BICDL2: variants seen among roughly 807,000 people sequenced by gnomAD.
BICDL2 encodes the protein BICD family like cargo adaptor 2, also known as BICD family-like cargo adapter 2.
A neutral mutation model predicts 56.6 loss-of-function variants in BICDL2; 62 were observed. The ratio of observed to expected loss-of-function variants is 1.10; its 90% CI spans 0.89 to 1.35. The LOEUF is 1.35. Ranked by LOEUF, BICDL2 falls within the 40% of genes most tolerant of loss-of-function variation. BICDL2 has a pLI of 0.00. For synonymous variants in BICDL2, 358 were observed against 319.8 expected, an observed-to-expected ratio of 1.12 and a Z score of -1.27; for missense variants, 808 against 684.5, an observed-to-expected ratio of 1.18 and a Z score of -2.01.
chr16:3,031,503 A>G (rs1955654495), intron 2 of BICDL2: 1 of 499,962 alleles, frequency 2.0e-6, no homozygotes, highest in African/African-American at 1.9e-5. Flanking sequence ...CCATGGCAGC[A>G]CACACCTGCT....
intron 2 of BICDL2, among the ~76,000 whole-genome samples, chr16:3,034,051 G>T (rs1596484604): frequency 6.6e-6 from 1 of 152,164 alleles, no homozygotes; most frequent in East Asian, 1.9e-4. Context: ...CCCAGAGCAA[G>T]AAGTGGGCCA....
In BICDL2 at chr16:3,031,160, C is replaced by G; in HGVS notation, c.283-10G>C. On this transcript the variant is annotated splice_polypyrimidine_tract_variant and intron_variant, in intron 2 of 9. Transcript: ENST00000572449. The stretch of plus-strand genomic sequence containing the variant: ...TCTCCTGCTGGAGCCGCTGTGGGGG[C>G]CAGGGCAGAGGGACAGAGGCAGAGA... 1 of 1,533,852 alleles carries G rather than the reference C, an allele frequency of 6.5e-7. No individual in the cohort carries two copies. Among genetic ancestry groups the G allele is most frequent in the Non-Finnish European group, 8.7e-7 (1 of 1,145,762 alleles).
chr16:3,035,607 T>A, intron 1 of BICDL2, 81 bp from the exon 2 acceptor site: 5 of 1,287,178 alleles, frequency 3.9e-6, no homozygotes, highest in Non-Finnish European at 5.3e-6. Context: ...CTCCACCTGC[T>A]GCCAGCCTGC....
Position 3,027,742 on chromosome 16 carries a change from GCTT to G in BICDL2, c.*361_*363del. ...TTTTTTTTTTACAATAAAGTTTCAG[GCTT>G]TTTTACCATGCTCTTTCTTTCTATG... On this transcript the variant is annotated 3_prime_UTR_variant, in exon 10 of 10. Transcript: ENST00000572449. 1 of 1,434,224 alleles carries G rather than the reference GCTT, an allele frequency of 7.0e-7. No homozygotes were observed. The highest frequency in any genetic ancestry group is 9.4e-7 in the Non-Finnish European group (1 of 1,069,124). 88.8% of individuals were successfully genotyped at this position (1,434,224 alleles called of 1,614,324 possible). A position where few individuals can be genotyped will look rare whatever the true frequency, so the allele number is the denominator to read the frequency against.
At position 3,028,007 on chromosome 16, in the gene BICDL2, C is replaced by T. The variant is rs1955571717; in HGVS notation, c.*99G>A. 1 of 1,361,948 alleles carries T rather than the reference C, an allele frequency of 7.3e-7. No individual in the cohort carries two copies. Among genetic ancestry groups the T allele is most frequent in the Non-Finnish European group, 9.5e-7 (1 of 1,054,918 alleles). The allele number at this position is 1,361,948 out of a possible 1,614,324, so 84.4% of individuals were successfully genotyped here. ...CAGCATCCTGGGGCGGGGAGGGCAT[C>T]AGCTTCTTTTGGAAGACAATCTGGG... On this transcript the variant is annotated 3_prime_UTR_variant, in exon 10 of 10. Coordinates refer to ENST00000572449, the MANE Select transcript of BICDL2 (RefSeq NM_001369667.1).
chr16:3,036,068 AC>A (rs1955729706), intron 1 of BICDL2: 1 of 331,242 alleles, frequency 3.0e-6, no homozygotes, highest in Non-Finnish European at 5.9e-6. Context: ...TTCTCCTGCT[AC>A]CTCCTGAGCA....
Position 3,029,293 on chromosome 16 carries a change from T to G in BICDL2, c.1094A>C (p.Lys365Thr). 1 of 1,611,512 alleles carries G rather than the reference T, an allele frequency of 6.2e-7. No individual in the cohort carries two copies. The highest frequency in any genetic ancestry group is 8.5e-7 in the Non-Finnish European group (1 of 1,179,272). Reference sequence around the variant, plus strand: ...CCTCTGCCCCACCTCATCTTGCAGCTTGGCCACTTCCACCTCCTTCTCCTC... The same window carrying G: ...CCTCTGCCCCACCTCATCTTGCAGCGTGGCCACTTCCACCTCCTTCTCCTC... ...ILEEKEVEVAKLQDEISLQQA... is the reference protein window; with the variant it reads ...ILEEKEVEVATLQDEISLQQA... Residue 365 changes from lysine (K) to threonine (T), a missense_variant, in exon 7 of 10, where the codon AAG becomes ACG. By Grantham distance (78) the Lys-to-Thr change is moderately conservative. Coordinates refer to ENST00000572449, the MANE Select transcript of BICDL2 (RefSeq NM_001369667.1).
rs756033587 is a variant in BICDL2, at chr16:3,027,704, A to AT, written c.*401dup. ...AGCTCAGGGTTTTAGAGTGTTTTTC[A>AT]TTTTCTTTTTTTTTTTTTTTTTACA... On this transcript the variant is annotated 3_prime_UTR_variant, in exon 10 of 10. Coordinates refer to ENST00000572449, the MANE Select transcript of BICDL2 (RefSeq NM_001369667.1). 39 of 1,384,164 alleles carry AT rather than the reference A, an allele frequency of 2.8e-5. No homozygotes were observed. The highest frequency in any genetic ancestry group is 1.1e-4 in the South Asian group (7 of 66,438). The allele number at this position is 1,384,164 out of a possible 1,614,324, so 85.7% of individuals were successfully genotyped here.
intron 1 of BICDL2, chr16:3,036,046 C>G (rs577516883): frequency 1.8e-5 from 6 of 329,792 alleles, no homozygotes; most frequent in South Asian, 1.4e-4. Context: ...CCTCCCGGGT[C>G]TCTCGCCCTC....
rs1435721247 is a variant in BICDL2 at position 3,027,951 on chromosome 16, G to C, written c.*155C>G. On this transcript the variant is annotated 3_prime_UTR_variant, in exon 10 of 10. Coordinates refer to ENST00000572449, the MANE Select transcript of BICDL2 (RefSeq NM_001369667.1). Reference sequence around the variant, plus strand: ...CCCCACAAAGCTGGCCCCTGCTCCGGATGAGCCCCTGCTCCCGATGAGCCC... The same window carrying C: ...CCCCACAAAGCTGGCCCCTGCTCCGCATGAGCCCCTGCTCCCGATGAGCCC... The C allele has an allele frequency of 8.5e-7, 1 of 1,176,422 alleles. No individual in the cohort carries two copies. The highest frequency in any genetic ancestry group is 1.1e-6 in the Non-Finnish European group (1 of 885,758). The allele number at this position is 1,176,422 out of a possible 1,614,324, so 72.9% of individuals were successfully genotyped here.
At position 3,027,851 on chromosome 16, in the gene BICDL2, C is replaced by A; in HGVS notation, c.*255G>T. On this transcript the variant is annotated 3_prime_UTR_variant, in exon 10 of 10. Coordinates refer to ENST00000572449, the MANE Select transcript of BICDL2 (RefSeq NM_001369667.1). ...ATAAATACCCAGCCCCATCCCTGCC[C>A]TAGAAAAGATAGACGTATATTAATT... The A allele has an allele frequency of 1.2e-6, 1 of 832,468 alleles. No homozygotes were observed. The highest frequency in any genetic ancestry group is 1.8e-6 in the Non-Finnish European group (1 of 561,270). 51.6% of individuals were successfully genotyped at this position (832,468 alleles called of 1,614,324 possible).
intron 1 of BICDL2, 82 bp from the exon 2 acceptor site, chr16:3,035,608 G>A (rs1955724100): frequency 7.8e-7 from 1 of 1,284,322 alleles, no homozygotes; most frequent in East Asian, 2.4e-5. Flanking sequence ...TCCACCTGCT[G>A]CCAGCCTGCC....
chr16:3,029,148 A>T, intron 7 of BICDL2, 132 bp downstream of exon 7: 1 of 1,166,398 alleles, frequency 8.6e-7, no homozygotes, highest in Non-Finnish European at 1.2e-6. Context: ...CTGGCTCTTG[A>T]AGTAAGTTTG....
rs755781887 is a variant in BICDL2, at chr16:3,034,809, G to C, written c.282+406C>G. On this transcript the variant is annotated intron_variant, in intron 2 of 9. Transcript: ENST00000572449. ...CAGCCTCAAACTCTAAAATTCCTGG[G>C]CTCAATTGATCCCCCTGCCTCGGCC... 9.3e-4 allele frequency: 163 copies of C among 174,806 alleles called. 1 individual carries two copies. In the Middle Eastern group the frequency reaches 0.011, roughly 12 times the overall value. The allele number at this position is 174,806 out of a possible 1,614,324, so 10.8% of individuals were successfully genotyped here.
chr16:3,028,090 C>T lies in BICDL2; in HGVS notation c.*16G>A, dbSNP rs1027859305. 1.4e-6 allele frequency: 2 copies of T among 1,411,892 alleles called. No individual in the cohort carries two copies. Among genetic ancestry groups the T allele is most frequent in the South Asian group, 3.2e-5 (2 of 62,798 alleles). 87.5% of individuals were successfully genotyped at this position (1,411,892 alleles called of 1,614,324 possible). On this transcript the variant is annotated 3_prime_UTR_variant, in exon 10 of 10. Transcript: ENST00000572449. Reference sequence around the variant, plus strand: ...GAGCCCCTAAGTGGGCAAGGGCAGCCCTCTGGGCCCAGCCGTCAGGTCCTT... The same window carrying T: ...GAGCCCCTAAGTGGGCAAGGGCAGCTCTCTGGGCCCAGCCGTCAGGTCCTT...
At chr16:3,034,493 G>A (rs1201108319) in intron 2 of BICDL2, among the ~76,000 whole-genome samples, 1 of 152,070 alleles carries the variant, frequency 6.6e-6, no homozygotes, top group Non-Finnish European at 1.5e-5. Flanking sequence ...TGTTGGCCAG[G>A]CTGGTCTTGA....
chr16:3,035,987 C>G (rs1332600959), intron 1 of BICDL2: 2 of 312,888 alleles, frequency 6.4e-6, no homozygotes, highest in Non-Finnish European at 1.2e-5. Context: ...TCTTCGCCCC[C>G]AGGAATCCAG....
At position 3,028,729 on chromosome 16, in the gene BICDL2, G is replaced by C; in HGVS notation, c.1209C>G (p.Ala403=). 1 of 1,567,496 alleles carries C rather than the reference G, an allele frequency of 6.4e-7. No individual in the cohort carries two copies. ...TCACGGCCTCGTCCCGGTCTGAGAG[G>C]GCACTGTGCAGGGCCTCCCCAGGGT... The part of the protein sequence containing the change: ...QEDPGEALHS[A]LSDRDEAVNK... The change falls in exon 8 of 10, where the codon GCC becomes GCG. Residue 403 remains alanine (A), a synonymous_variant. Transcript: ENST00000572449.
chr16:3,035,176 T>TTGGCCGGGGGGGGGGGGGGGGGGGGGGG, intron 2 of BICDL2, 39 bp downstream of exon 2: 3 of 136,274 alleles, frequency 2.2e-5, no homozygotes, highest in Non-Finnish European at 4.1e-5. Flanking sequence ...CGTCCTCCCC[T>TTGGCCGGGGGGGGGGGGGGGGGGGGGGG]GCCCACCCAC....
Sources: gnomAD v4.1 joint callset for allele counts (sites outside exome capture counted in the v4.1 genomes callset) on GRCh38, gnomAD v4.1.1 for gene constraint, MANE v1.5 for transcripts, NCBI Gene and HGNC (gene_info 2026-07-23, HGNC 2026-07-21) for gene names.